The following ZC3HAV1 variants were observed in gnomAD, a reference collection of about 807,000 sequenced individuals.
ZC3HAV1 encodes zinc finger CCCH-type antiviral protein 1.
A neutral mutation model predicts 86.6 loss-of-function variants in ZC3HAV1; 41 were observed. The ratio of observed to expected loss-of-function variants is 0.47; its 90% CI spans 0.37 to 0.61. The LOEUF (loss-of-function observed/expected upper bound fraction) is 0.61. Among genes scored for constraint, ZC3HAV1 ranks in the 20% least tolerant of loss-of-function variants. The pLI is 0.00. For missense variants in ZC3HAV1, 964 were observed against 1,141.1 expected (o/e 0.84, Z 2.24); for synonymous variants, 421 against 432.1 (o/e 0.97, Z 0.32).
intron 8 of ZC3HAV1, among the ~76,000 whole-genome samples, chr7:139,063,723 CAAAAA>C (rs57944873): frequency 6.8e-5 from 5 of 73,948 alleles, no homozygotes; most frequent in African/African-American, 2.4e-4. Flanking sequence ...GACCCTGTCT[CAAAAA>C]AAAAAAAAAA....
intron 8 of ZC3HAV1, among the ~76,000 whole-genome samples, chr7:139,062,869 A>C (rs1816484599): frequency 6.6e-6 from 1 of 151,976 alleles, no homozygotes; most frequent in South Asian, 2.1e-4. Flanking sequence ...CTCTACTAAA[A>C]ATACAAAAAA....
chr7:139,094,354 C>A (rs1817517920), intron 1 of ZC3HAV1, among the ~76,000 whole-genome samples: 1 of 152,120 alleles, frequency 6.6e-6, no homozygotes, highest in Non-Finnish European at 1.5e-5. Context: ...TGTGGGAACT[C>A]CCCTCTCGCC....
intron 2 of ZC3HAV1, among the ~76,000 whole-genome samples, chr7:139,088,900 C>T (rs748490559): frequency 1.3e-5 from 2 of 151,914 alleles, no homozygotes; most frequent in Non-Finnish European, 2.9e-5. Context: ...GTCGGGAGTT[C>T]GAGGCCAGGC....
chr7:139,082,241 C>A, intron 3 of ZC3HAV1, among the ~76,000 whole-genome samples: 1 of 151,802 alleles, frequency 6.6e-6, no homozygotes, highest in Non-Finnish European at 1.5e-5. Context: ...TGAACTCCAG[C>A]CTGGGTGACA....
chr7:139,059,886 G>A (rs1214003090), intron 9 of ZC3HAV1, among the ~76,000 whole-genome samples: 1 of 152,180 alleles, frequency 6.6e-6, no homozygotes, highest in Admixed American at 6.5e-5. Context: ...TGTTCGGAAT[G>A]TGTTACCCAA....
Position 139,049,026 on chromosome 7 carries a change from C to T in ZC3HAV1, c.2450-1173G>A, listed in dbSNP as rs557509792. Among the ~76,000 whole-genome samples the T allele has an allele frequency of 1.9e-3, 251 of 135,390 alleles. 1 individual carries two copies. Among genetic ancestry groups the T allele is most frequent in the Non-Finnish European group, 3.2e-3 (195 of 61,586 alleles). The allele number at this position is 135,390 out of a possible 152,430, so 88.8% of individuals were successfully genotyped here. A position where few individuals can be genotyped will look rare whatever the true frequency, so the allele number is the denominator to read the frequency against. On this transcript the variant is annotated intron_variant, in intron 12 of 12. Transcript: ENST00000242351. Reference sequence around the variant, plus strand: ...GGTGGTTTATGGTGGTTTACTTGTTCATAAATAGGATCATAATATATGAAC... The same window carrying T: ...GGTGGTTTATGGTGGTTTACTTGTTTATAAATAGGATCATAATATATGAAC...
rs1817208150 is a variant in ZC3HAV1, at chr7:139,084,046, A to G, written c.445-14T>C. ...ACTTTTGCATATCTACAGAAGGGAG[A>G]AACAACAGCCAGAGTCAAAACACCT... On this transcript the variant is annotated splice_polypyrimidine_tract_variant and intron_variant, in intron 2 of 12. Transcript: ENST00000242351. The G allele has an allele frequency of 6.2e-7, 1 of 1,607,110 alleles. No homozygotes were observed. The highest frequency in any genetic ancestry group is 1.1e-5 in the South Asian group (1 of 90,966).
chr7:139,048,474 C>T (rs984737585), intron 12 of ZC3HAV1, among the ~76,000 whole-genome samples: 9 of 151,768 alleles, frequency 5.9e-5, no homozygotes, highest in Admixed American at 1.3e-4. Flanking sequence ...GGCATGGTGG[C>T]GTGCACTTGT....
chr7:139,088,209 G>C (rs1299217836), intron 2 of ZC3HAV1, among the ~76,000 whole-genome samples: 1 of 152,046 alleles, frequency 6.6e-6, no homozygotes, highest in African/African-American at 2.4e-5. Context: ...GGCTTAAACA[G>C]TATTCTCTGA....
chr7:139,071,970 A>T (rs1362722077), intron 7 of ZC3HAV1, among the ~76,000 whole-genome samples: 6 of 152,196 alleles, frequency 3.9e-5, no homozygotes. Context: ...TGTTTTTCTC[A>T]GGCCTCACTA....
intron 12 of ZC3HAV1, among the ~76,000 whole-genome samples, chr7:139,051,003 A>C (rs925398854): frequency 6.6e-6 from 1 of 151,430 alleles, no homozygotes; most frequent in Non-Finnish European, 1.5e-5. Flanking sequence ...ATCCTACTCT[A>C]TCTCTATCCT....
At chr7:139,101,841 A>G (rs985847149) in intron 1 of ZC3HAV1, among the ~76,000 whole-genome samples, 1 of 151,862 alleles carries the variant, frequency 6.6e-6, no homozygotes, top group South Asian at 2.1e-4. Flanking sequence ...CCACTCCCTA[A>G]TCTCAAGTAC....
chr7:139,109,096 T>C lies in ZC3HAV1; in HGVS notation c.236A>G (p.Gln79Arg), dbSNP rs1167238109. Residue 79 changes from glutamine (Q) to arginine (R), a missense_variant, in exon 1 of 13, where the codon CAG (glutamine) becomes CGG (arginine). Physicochemically the swap from Gln to Arg is conservative, Grantham distance 43 (BLOSUM62 1). Coordinates refer to ENST00000242351, the MANE Select transcript of ZC3HAV1 (RefSeq NM_020119.4). ...RARVCRRKYC[Q>R]RPCDNLHLCK... is the part of the protein sequence containing the mutation. ...GAGATGCAGGTTATCGCAGGGTCTC[T>C]GGCAGTACTTGCGACGGCAGACCCG... The C allele has an allele frequency of 2.5e-6, 4 of 1,594,726 alleles. No homozygotes were observed. The highest frequency in any genetic ancestry group is 3.4e-6 in the Non-Finnish European group (4 of 1,170,322).
At chr7:139,083,318 T>C (rs915250836) in intron 3 of ZC3HAV1, among the ~76,000 whole-genome samples, 24 of 152,114 alleles carry the variant, frequency 1.6e-4, no homozygotes, top group Non-Finnish European at 2.2e-4. Context: ...ATTATAATTA[T>C]GTAAAAATGG....
intron 1 of ZC3HAV1, among the ~76,000 whole-genome samples, chr7:139,097,730 G>A (rs547632232): frequency 1.8e-4 from 27 of 151,562 alleles, no homozygotes; most frequent in Non-Finnish European, 3.5e-4. Context: ...CACCAAGCCC[G>A]GCCGGAACTC....
chr7:139,061,447 G>C (rs1221575489), intron 8 of ZC3HAV1, among the ~76,000 whole-genome samples: 1 of 151,754 alleles, frequency 6.6e-6, no homozygotes, highest in Non-Finnish European at 1.5e-5. Context: ...ATCCTTTCAA[G>C]CTTCCCTACA....
chr7:139,094,219 T>C (rs1042372966), intron 1 of ZC3HAV1, among the ~76,000 whole-genome samples: 6 of 152,046 alleles, frequency 3.9e-5, no homozygotes, highest in African/African-American at 1.4e-4. Flanking sequence ...TCAGTAAATC[T>C]AGGGTTGGAG....
At chr7:139,070,836 GC>G (rs1213661726) in intron 7 of ZC3HAV1, among the ~76,000 whole-genome samples, 1 of 151,810 alleles carries the variant, frequency 6.6e-6, no homozygotes, top group Non-Finnish European at 1.5e-5. Flanking sequence ...CAAAAAATTA[GC>G]CAGGCATGGT....
intron 2 of ZC3HAV1, among the ~76,000 whole-genome samples, chr7:139,087,640 A>G (rs935935563): frequency 2.0e-5 from 3 of 152,158 alleles, no homozygotes; most frequent in African/African-American, 7.2e-5. Context: ...TTCTCATGTT[A>G]TAAGATTTTT....
Sources: gnomAD v4.1 joint callset for allele counts (sites outside exome capture counted in the v4.1 genomes callset) on GRCh38, gnomAD v4.1.1 for gene constraint, MANE v1.5 for transcripts, NCBI Gene and HGNC (gene_info 2026-07-23, HGNC 2026-07-21) for gene names.